PLCXD3: variants seen among roughly 807,000 people sequenced by gnomAD.
PLCXD3 encodes PI-PLC X domain-containing protein 3.
Under a neutral mutation model 25.5 loss-of-function variants are expected in PLCXD3, and 19 were observed. The observed-to-expected ratio is 0.75, with a 90% confidence interval of 0.52 to 1.09. The LOEUF is 1.09. PLCXD3 is among the 50% of genes least tolerant of loss of function. PLCXD3 has a pLI of 0.00. For synonymous variants in PLCXD3, 174 were observed against 137.6 expected (o/e 1.26, Z -1.85); for missense variants, 411 against 388.1 (o/e 1.06, Z -0.50).
At chr5:41,400,993 T>A (rs527670206) in intron 1 of PLCXD3, among the ~76,000 whole-genome samples, 1 of 64,460 alleles carries the variant, frequency 1.6e-5, no homozygotes, top group East Asian at 2.5e-4. Flanking sequence ...ACATGAAAAT[T>A]TTAAAAAGCT....
intron 2 of PLCXD3, among the ~76,000 whole-genome samples, chr5:41,341,997 A>T (rs1744165996): frequency 6.6e-6 from 1 of 152,114 alleles, no homozygotes; most frequent in Non-Finnish European, 1.5e-5. Flanking sequence ...AGAAAATGAG[A>T]CTGGATCATA....
At chr5:41,336,580 A>T (rs377214942) in intron 2 of PLCXD3, among the ~76,000 whole-genome samples, 1 of 152,264 alleles carries the variant, frequency 6.6e-6, no homozygotes, top group Admixed American at 6.5e-5. Flanking sequence ...TCCCTTCCAG[A>T]TGGAGAGTGC....
At chr5:41,400,228 C>T (rs956704676) in intron 1 of PLCXD3, among the ~76,000 whole-genome samples, 1 of 152,106 alleles carries the variant, frequency 6.6e-6, no homozygotes, top group Admixed American at 6.6e-5. Context: ...AACGCTTACA[C>T]ACTGTTGGTG....
intron 2 of PLCXD3, 110 bp from the exon 3 acceptor site, chr5:41,313,880 C>T (rs985811406): frequency 1.7e-5 from 22 of 1,296,134 alleles, no homozygotes; most frequent in East Asian, 1.0e-4. Flanking sequence ...AAATGTTTCA[C>T]GTATAGGTAC....
At chr5:41,327,176 G>A (rs1743654519) in intron 2 of PLCXD3, among the ~76,000 whole-genome samples, 1 of 152,188 alleles carries the variant, frequency 6.6e-6, no homozygotes, top group Non-Finnish European at 1.5e-5. Flanking sequence ...AACAGCACAT[G>A]CAAAAGCATG....
chr5:41,427,905 TAATCAAAATC>T (rs1747000247), intron 1 of PLCXD3, among the ~76,000 whole-genome samples: 1 of 152,168 alleles, frequency 6.6e-6, no homozygotes, highest in African/African-American at 2.4e-5. Context: ...TTTTTTAATG[TAATCAAAATC>T]AGAACAGAAA....
intron 1 of PLCXD3, among the ~76,000 whole-genome samples, chr5:41,473,068 T>C (rs967117313): frequency 6.6e-6 from 1 of 152,146 alleles, no homozygotes; most frequent in Non-Finnish European, 1.5e-5. Context: ...AGTGTTCTAC[T>C]TTCTAGAGCA....
chr5:41,431,657 T>G (rs1747107742), intron 1 of PLCXD3, among the ~76,000 whole-genome samples: 1 of 152,220 alleles, frequency 6.6e-6, no homozygotes, highest in African/African-American at 2.4e-5. Flanking sequence ...CAAGTCCAAT[T>G]ATCTGTTTTA....
At chr5:41,430,715 G>C (rs753900985) in intron 1 of PLCXD3, among the ~76,000 whole-genome samples, 5 of 152,124 alleles carry the variant, frequency 3.3e-5, no homozygotes, top group African/African-American at 1.2e-4. Context: ...CCTTCCAGGG[G>C]TCAGAGTAGT....
At chr5:41,416,210 C>A (rs1002821277) in intron 1 of PLCXD3, among the ~76,000 whole-genome samples, 2 of 152,100 alleles carry the variant, frequency 1.3e-5, no homozygotes, top group Admixed American at 6.5e-5. Flanking sequence ...AATAGTTACC[C>A]TTCTGGAGCC....
At chr5:41,417,472 T>A (rs1237053974) in intron 1 of PLCXD3, among the ~76,000 whole-genome samples, 1 of 152,176 alleles carries the variant, frequency 6.6e-6, no homozygotes, top group Non-Finnish European at 1.5e-5. Flanking sequence ...AGTATTTTCT[T>A]GCTGCTTCTT....
chr5:41,421,432 T>C (rs186991943), intron 1 of PLCXD3, among the ~76,000 whole-genome samples: 1 of 152,274 alleles, frequency 6.6e-6, no homozygotes, highest in Non-Finnish European at 1.5e-5. Context: ...CTGGGCGCGG[T>C]GGCTCACGCC....
Position 41,510,597 on chromosome 5 carries a change from C to G in PLCXD3, c.-71G>C. ...AGGCTGGCAGGCTGCTGCCGCTAATCCAATGTTTGCTCTAGCCCCGCTAGA... is the reference window on the plus strand; with the variant it reads ...AGGCTGGCAGGCTGCTGCCGCTAATGCAATGTTTGCTCTAGCCCCGCTAGA... On this transcript the variant is annotated 5_prime_UTR_variant, in exon 1 of 3. Transcript: ENST00000377801. 1.6e-6 allele frequency: 2 copies of G among 1,224,272 alleles called. No homozygotes were observed. Among genetic ancestry groups the G allele is most frequent in the Non-Finnish European group, 2.4e-6 (2 of 846,228 alleles). The allele number at this position is 1,224,272 out of a possible 1,614,324, so 75.8% of individuals were successfully genotyped here. A position where few individuals can be genotyped will look rare whatever the true frequency, so the allele number is the denominator to read the frequency against.
At chr5:41,426,363 C>T (rs1016380940) in intron 1 of PLCXD3, among the ~76,000 whole-genome samples, 4 of 150,838 alleles carry the variant, frequency 2.7e-5, no homozygotes, top group Admixed American at 6.6e-5. Flanking sequence ...TTATTCTTAC[C>T]ATCTCATTTA....
intron 1 of PLCXD3, among the ~76,000 whole-genome samples, chr5:41,434,798 G>A (rs1747204126): frequency 6.6e-6 from 1 of 152,178 alleles, no homozygotes; most frequent in Admixed American, 6.5e-5. Context: ...CCTGGTGAGA[G>A]TAGGGGTGGG....
intron 2 of PLCXD3, among the ~76,000 whole-genome samples, chr5:41,362,347 T>C (rs1744808613): frequency 6.6e-6 from 1 of 152,178 alleles, no homozygotes; most frequent in Admixed American, 6.5e-5. Context: ...GAAATCAGAC[T>C]GACACATGTT....
chr5:41,506,143 A>G (rs1749047923), intron 1 of PLCXD3, among the ~76,000 whole-genome samples: 1 of 152,180 alleles, frequency 6.6e-6, no homozygotes, highest in South Asian at 2.1e-4. Context: ...TATGCTGATG[A>G]TGTTGGTCCC....
intron 1 of PLCXD3, among the ~76,000 whole-genome samples, chr5:41,465,166 C>A (rs1326639947): frequency 6.6e-6 from 1 of 151,794 alleles, no homozygotes; most frequent in Non-Finnish European, 1.5e-5. Flanking sequence ...AAACGTATGA[C>A]ATGTTTTTCA....
chr5:41,485,613 G>A (rs1026333053), intron 1 of PLCXD3, among the ~76,000 whole-genome samples: 9 of 152,216 alleles, frequency 5.9e-5, no homozygotes, highest in African/African-American at 2.2e-4. Context: ...GCTTTCCTGA[G>A]TTTTTGTGGA....
Sources: gnomAD v4.1 joint callset for allele counts (sites outside exome capture counted in the v4.1 genomes callset) on GRCh38, gnomAD v4.1.1 for gene constraint, MANE v1.5 for transcripts, NCBI Gene and HGNC (gene_info 2026-07-23, HGNC 2026-07-21) for gene names.